CELF2: variants seen among roughly 807,000 people sequenced by gnomAD.
CELF2 encodes the protein CUG triplet repeat RNA-binding protein 2.
A neutral mutation model predicts 62.6 loss-of-function variants in CELF2; 8 were observed. The observed-to-expected ratio is 0.13, with a 90% CI of 0.07 to 0.23. The LOEUF is 0.23. CELF2 is among the 10% of genes least tolerant of loss of function. CELF2 has a pLI of 1.00. For synonymous variants in CELF2, 258 were observed against 250.0 expected, an observed-to-expected ratio of 1.03 and a Z score of -0.30; for missense variants, 333 against 671.0, an observed-to-expected ratio of 0.50 and a Z score of 5.56.
the CELF2 span, among the ~76,000 whole-genome samples, chr10:10,536,022 A>ATT: frequency 0.019 from 2,603 of 140,196 alleles, 82 homozygotes; most frequent in African/African-American, 0.052. Context: ...AAGCTTTTGG[A>ATT]TTTTTTTTTT....
chr10:11,323,937 T>G (rs1476874471), intron 11 of CELF2, among the ~76,000 whole-genome samples: 1 of 151,888 alleles, frequency 6.6e-6, no homozygotes, highest in African/African-American at 2.4e-5. Flanking sequence ...TTTTTTTTCA[T>G]TTTAATATTA....
the CELF2 span, among the ~76,000 whole-genome samples, chr10:10,552,595 G>T: frequency 6.6e-6 from 1 of 152,152 alleles, no homozygotes; most frequent in Non-Finnish European, 1.5e-5. Context: ...GACCTCAAGA[G>T]AACCTTCTGA....
At chr10:10,722,613 C>T in the CELF2 span, among the ~76,000 whole-genome samples, 2,682 of 152,270 alleles carry the variant, frequency 0.018, 72 homozygotes, top group African/African-American at 0.062. Flanking sequence ...AAAACTTCTG[C>T]TCTTTTCAAG....
At chr10:10,917,531 G>C (rs1277299904) in intron 1 of CELF2, among the ~76,000 whole-genome samples, 1 of 151,912 alleles carries the variant, frequency 6.6e-6, no homozygotes, top group African/African-American at 2.4e-5. Flanking sequence ...AGTAGAGACA[G>C]GGTCTCACTG....
chr10:10,536,069 T>G, the CELF2 span, among the ~76,000 whole-genome samples: 4 of 149,984 alleles, frequency 2.7e-5, no homozygotes, highest in Non-Finnish European at 4.4e-5. Flanking sequence ...CGCCAGGCTG[T>G]AGTGCAGTGG....
chr10:10,776,350 G>A, the CELF2 span: 1 of 153,602 alleles, frequency 6.5e-6, no homozygotes, highest in Admixed American at 6.5e-5. Context: ...GGAAAACACA[G>A]AATGATTGGA....
chr10:10,857,014 C>T (rs568588691), intron 1 of CELF2, among the ~76,000 whole-genome samples: 1 of 152,114 alleles, frequency 6.6e-6, no homozygotes, highest in Non-Finnish European at 1.5e-5. Context: ...GAGGTAAGCT[C>T]CATAATCATC....
rs2053369287 is a variant in CELF2 at position 10,990,993 on chromosome 10, A to G, written c.89+70994A>G. 6.6e-6 allele frequency among the ~76,000 whole-genome samples: 1 copy of G among 151,208 alleles called. No individual in the cohort carries two copies. Among genetic ancestry groups the G allele is most frequent in the Non-Finnish European group, 1.5e-5 (1 of 67,888 alleles). On this transcript the variant is annotated intron_variant, in intron 2 of 13. Transcript: ENST00000636488. The surrounding 1 kb of genome is among the most constrained non-coding windows in gnomAD (Gnocchi z 4.6). Reference sequence around the variant, plus strand: ...CGTGTGTGTGTGTGTGTGTGTGCCCACACGTGTGTGTTGTTTTGTTTGTGT... The same window carrying G: ...CGTGTGTGTGTGTGTGTGTGTGCCCGCACGTGTGTGTTGTTTTGTTTGTGT...
intron 2 of CELF2, among the ~76,000 whole-genome samples, chr10:10,979,882 G>A (rs910260119): frequency 1.1e-4 from 16 of 152,140 alleles, no homozygotes; most frequent in African/African-American, 3.9e-4. Flanking sequence ...AAGGATTGTG[G>A]TAACTATTTG....
At chr10:10,747,994 G>A in the CELF2 span, among the ~76,000 whole-genome samples, 2,751 of 152,262 alleles carry the variant, frequency 0.018, 91 homozygotes, top group African/African-American at 0.063. Context: ...AATACTGCAT[G>A]TTCTCACCCA....
rs1055239507 is a variant in CELF2 at position 11,207,563 on chromosome 10, A to G, written c.272-9862A>G. ...AAGTGAGGAAGGATGTTGGTGGAGC[A>G]TCGCACGACTGCCTCAGGCGGCCAG... On this transcript the variant is annotated intron_variant, in intron 2 of 12. Coordinates refer to ENST00000633077, the MANE Select transcript of CELF2 (RefSeq NM_001326342.2). The surrounding 1 kb of genome is among the most constrained non-coding windows in gnomAD (Gnocchi z 4.1). 6.6e-6 allele frequency among the ~76,000 whole-genome samples: 1 copy of G among 152,272 alleles called. No individual in the cohort carries two copies. The highest frequency in any genetic ancestry group is 1.5e-5 in the Non-Finnish European group (1 of 68,048).
rs1440696651 is a variant in CELF2, at chr10:11,269,565, A to G, written c.619-1101A>G. ...GAGTTTCAATAAAAGTTTTTATTTT[A>G]ATCACTTGGGTAGAATTACTTCTTT... is the stretch of plus-strand genomic sequence containing the variant. On this transcript the variant is annotated intron_variant, in intron 6 of 12. Coordinates refer to ENST00000633077, the MANE Select transcript of CELF2 (RefSeq NM_001326342.2). The surrounding 1 kb of genome is among the most constrained non-coding windows in gnomAD (Gnocchi z 4.4). Among the ~76,000 whole-genome samples the G allele has an allele frequency of 1.3e-5, 2 of 152,228 alleles. No individual in the cohort carries two copies. The highest frequency in any genetic ancestry group is 2.9e-5 in the Non-Finnish European group (2 of 68,040).
At chr10:10,548,544 A>G in the CELF2 span, among the ~76,000 whole-genome samples, 1 of 152,220 alleles carries the variant, frequency 6.6e-6, no homozygotes, top group African/African-American at 2.4e-5. Flanking sequence ...AAACTAGTTT[A>G]CAGTTATAGG....
At chr10:10,840,684 A>G (rs960771441) in intron 1 of CELF2, among the ~76,000 whole-genome samples, 6 of 151,826 alleles carry the variant, frequency 4.0e-5, no homozygotes, top group Admixed American at 3.9e-4. Context: ...TCTCTTTTTT[A>G]AAATTTTACT....
At chr10:11,144,654 G>T (rs2061928944) in intron 1 of CELF2, among the ~76,000 whole-genome samples, 1 of 151,574 alleles carries the variant, frequency 6.6e-6, no homozygotes, top group Non-Finnish European at 1.5e-5. Context: ...AGCACTTCGG[G>T]AGACCGAGGC....
At chr10:10,893,946 C>G (rs1414782213) in intron 1 of CELF2, among the ~76,000 whole-genome samples, 1 of 152,158 alleles carries the variant, frequency 6.6e-6, no homozygotes, top group African/African-American at 2.4e-5. Context: ...GGACACAGAT[C>G]CAAACCATAT....
At chr10:10,521,965 G>T in the CELF2 span, among the ~76,000 whole-genome samples, 1,509 of 152,222 alleles carry the variant, frequency 9.9e-3, 20 homozygotes, top group African/African-American at 0.035. Flanking sequence ...GGCTCTGCTG[G>T]TCCACACCTG....
chr10:11,230,092 A>G (rs1034767055), intron 3 of CELF2, among the ~76,000 whole-genome samples: 3 of 152,118 alleles, frequency 2.0e-5, no homozygotes, highest in Admixed American at 1.3e-4. Context: ...CTTGGTACTC[A>G]AGCAGCAGTC....
intron 2 of CELF2, among the ~76,000 whole-genome samples, chr10:11,206,863 C>T (rs1217342179): frequency 1.3e-5 from 2 of 152,212 alleles, no homozygotes; most frequent in South Asian, 2.1e-4. Flanking sequence ...GCTTTCTTCA[C>T]GTCACCCCCT....
Sources: allele counts gnomAD v4.1 joint callset (sites outside exome capture counted in the v4.1 genomes callset), GRCh38; gene constraint gnomAD v4.1.1; non-coding constraint Gnocchi (gnomAD v3.1); transcripts MANE v1.5; gene names NCBI Gene and HGNC (gene_info 2026-07-23, HGNC 2026-07-21).